The following EYS variants were observed in gnomAD, a reference collection of about 807,000 sequenced individuals.
The protein encoded by EYS is protein eyes shut homolog.
A neutral mutation model predicts 282.1 loss-of-function variants in EYS; 250 were observed. The ratio of observed to expected loss-of-function variants is 0.89; its 90% CI spans 0.80 to 0.98. The LOEUF (loss-of-function observed/expected upper bound fraction) is 0.98. Ranked by LOEUF, EYS falls within the 50% of genes least tolerant of loss-of-function variation. EYS has a pLI of 0.00. For synonymous variants in EYS, 1,355 were observed against 1,282.9 expected, an observed-to-expected ratio of 1.06 and a Z score of -1.20; for missense variants, 4,016 against 3,709.0, an observed-to-expected ratio of 1.08 and a Z score of -2.15.
intron 34 of EYS, among the ~76,000 whole-genome samples, chr6:63,990,777 A>T (rs1439965078): frequency 2.0e-5 from 3 of 151,486 alleles, no homozygotes; most frequent in Non-Finnish European, 4.4e-5. Context: ...TGCTGATGGG[A>T]CCTGGCTTAC....
chr6:65,051,566 C>T (rs1773269833), intron 13 of EYS, among the ~76,000 whole-genome samples: 1 of 151,538 alleles, frequency 6.6e-6, no homozygotes, highest in African/African-American at 2.4e-5. Context: ...AACACAAAAT[C>T]TAATCTGTAA....
intron 12 of EYS, among the ~76,000 whole-genome samples, chr6:65,166,565 T>A (rs2150224718): frequency 6.6e-6 from 1 of 151,224 alleles, no homozygotes; most frequent in Non-Finnish European, 1.5e-5. Flanking sequence ...ACAAAACAAA[T>A]TACTACAAAT....
chr6:64,173,732 C>A (rs1302498954), intron 31 of EYS, among the ~76,000 whole-genome samples: 1 of 152,038 alleles, frequency 6.6e-6, no homozygotes, highest in Non-Finnish European at 1.5e-5. Flanking sequence ...TTGCTATATG[C>A]TTACTTTTAC....
chr6:64,405,977 C>T (rs184820729), intron 28 of EYS, among the ~76,000 whole-genome samples: 1 of 152,048 alleles, frequency 6.6e-6, no homozygotes, highest in Non-Finnish European at 1.5e-5. Context: ...TCACATGGAA[C>T]CAAAAAAAAA....
intron 31 of EYS, among the ~76,000 whole-genome samples, chr6:64,149,380 GAA>G (rs1774626665): frequency 6.6e-6 from 1 of 152,196 alleles, no homozygotes; most frequent in Non-Finnish European, 1.5e-5. Context: ...GAGACGCGAT[GAA>G]GAGGCTCACT....
intron 5 of EYS, among the ~76,000 whole-genome samples, chr6:65,482,558 C>T (rs556312123): frequency 6.6e-6 from 1 of 152,120 alleles, no homozygotes; most frequent in African/African-American, 2.4e-5. Context: ...CTTTTCTTTC[C>T]ATGAGCAAAA....
chr6:64,590,304 T>G lies in EYS; in HGVS notation c.5563A>C (p.Ser1855Arg), dbSNP rs2149830965. Reference protein sequence around the residue: ...SVQYQEFPTASRHLPFTRSLT... With the variant: ...SVQYQEFPTARRHLPFTRSLT... The stretch of plus-strand genomic sequence containing the variant: ...GATCTAGTGAAGGGAAGATGCCGGC[T>G]TGCAGTGGGAAATTCCTGATATTGC... Residue 1855 changes from serine (S) to arginine (R), a missense_variant, in exon 26 of 43, where the codon AGC becomes CGC. Coordinates refer to ENST00000503581, the MANE Select transcript of EYS (RefSeq NM_001142800.2). 6.4e-7 allele frequency: 1 copy of G among 1,551,190 alleles called. No homozygotes were observed. The highest frequency in any genetic ancestry group is 8.7e-7 in the Non-Finnish European group (1 of 1,146,616).
intron 13 of EYS, among the ~76,000 whole-genome samples, chr6:65,015,844 C>G (rs1772028170): frequency 8.3e-6 from 1 of 120,046 alleles, no homozygotes; most frequent in Non-Finnish European, 1.6e-5. Flanking sequence ...ACCATCCTGG[C>G]CAACATGGTG....
chr6:65,317,869 T>G (rs572060302), intron 11 of EYS, among the ~76,000 whole-genome samples: 1 of 59,722 alleles, frequency 1.7e-5, no homozygotes, highest in Non-Finnish European at 3.3e-5. Context: ...TTTCTTTCTT[T>G]CTTTCTTTCT....
intron 12 of EYS, among the ~76,000 whole-genome samples, chr6:65,227,863 T>C (rs1291359551): frequency 6.6e-6 from 1 of 152,010 alleles, no homozygotes; most frequent in Admixed American, 6.6e-5. Context: ...AATGTATAAA[T>C]TGAAATTCAT....
intron 26 of EYS, among the ~76,000 whole-genome samples, chr6:64,468,435 T>C (rs2150490391): frequency 6.6e-6 from 1 of 152,350 alleles, no homozygotes; most frequent in South Asian, 2.1e-4. Context: ...TGTCTTTACG[T>C]TGATACACAG....
At chr6:64,818,646 G>A (rs1355771510) in intron 21 of EYS, among the ~76,000 whole-genome samples, 3 of 152,114 alleles carry the variant, frequency 2.0e-5, no homozygotes, top group Non-Finnish European at 4.4e-5. Context: ...AGAATTTGGA[G>A]TCAAATGTTT....
intron 26 of EYS, among the ~76,000 whole-genome samples, chr6:64,538,134 A>T (rs1470899607): frequency 6.6e-6 from 1 of 152,186 alleles, no homozygotes; most frequent in Non-Finnish European, 1.5e-5. Context: ...ATGAGGATGC[A>T]GTAAAAGATT....
intron 24 of EYS, among the ~76,000 whole-genome samples, chr6:64,599,748 T>TA (rs1766704456): frequency 6.6e-6 from 1 of 152,142 alleles, no homozygotes; most frequent in Admixed American, 6.5e-5. Context: ...CAAAGATTTT[T>TA]ACCTAAGAAG....
At chr6:64,180,851 T>C (rs892990499) in intron 31 of EYS, among the ~76,000 whole-genome samples, 8 of 152,134 alleles carry the variant, frequency 5.3e-5, no homozygotes, top group Non-Finnish European at 8.8e-5. Flanking sequence ...TGCAGGTTTG[T>C]CACATTGGCA....
chr6:65,293,470 T>C (rs942379147), intron 12 of EYS, among the ~76,000 whole-genome samples: 2 of 151,864 alleles, frequency 1.3e-5, no homozygotes, highest in African/African-American at 4.8e-5. Flanking sequence ...CAAATGAATG[T>C]ATCAGCTTCT....
chr6:65,688,940 T>C (rs1047858307), intron 1 of EYS, among the ~76,000 whole-genome samples: 1 of 151,560 alleles, frequency 6.6e-6, no homozygotes, highest in African/African-American at 2.4e-5. Context: ...TGTAAACTAG[T>C]TCAACCATTG....
chr6:63,905,785 T>C (rs1773765433), intron 35 of EYS, among the ~76,000 whole-genome samples: 1 of 152,226 alleles, frequency 6.6e-6, no homozygotes, highest in African/African-American at 2.4e-5. Context: ...CAAACGATCA[T>C]GGCTAACCTG....
intron 31 of EYS, among the ~76,000 whole-genome samples, chr6:64,140,169 T>A (rs976104578): frequency 6.6e-6 from 1 of 152,158 alleles, no homozygotes; most frequent in Non-Finnish European, 1.5e-5. Context: ...CCAAAATATA[T>A]TCTATTCCTG....
Sources: allele counts gnomAD v4.1 joint callset (sites outside exome capture counted in the v4.1 genomes callset), GRCh38; gene constraint gnomAD v4.1.1; transcripts MANE v1.5; gene names NCBI Gene and HGNC (gene_info 2026-07-23, HGNC 2026-07-21).